The following RBPJ variants were observed in gnomAD, a reference collection of about 807,000 sequenced individuals.
RBPJ encodes recombining binding protein suppressor of hairless.
RBPJ carries 9 observed loss-of-function variants against 67.8 expected under a neutral mutation model. That is an observed-to-expected ratio of 0.13 (90% CI 0.08 to 0.23). RBPJ has a LOEUF of 0.23. Among genes scored for constraint, RBPJ ranks in the 10% least tolerant of loss-of-function variants. The probability of loss-of-function intolerance (pLI) is 1.00; values close to 1 mark genes in which losing one functional copy is unlikely to be tolerated. For missense variants in RBPJ, 305 were observed against 595.6 expected (o/e 0.51, Z 5.08); for synonymous variants, 198 against 203.3 (o/e 0.97, Z 0.22).
At chr4:26,161,940 G>C, upstream of RBPJ, among the ~76,000 whole-genome samples, 1 of 152,242 alleles carries the variant, frequency 6.6e-6, no homozygotes, top group Non-Finnish European at 1.5e-5. Context: ...CTGGTAAGGA[G>C]AATAGAATAC....
intron 1 of RBPJ, among the ~76,000 whole-genome samples, chr4:26,306,732 A>C (rs895807763): frequency 7.9e-5 from 12 of 152,014 alleles, no homozygotes; most frequent in Non-Finnish European, 1.6e-4. Flanking sequence ...TACAGGCATG[A>C]GTCACTGTGC....
At chr4:26,282,391 CAA>C (rs1485648251) in intron 1 of RBPJ, among the ~76,000 whole-genome samples, 1 of 151,932 alleles carries the variant, frequency 6.6e-6, no homozygotes, top group Non-Finnish European at 1.5e-5. Context: ...AATTAAAAAA[CAA>C]AATTATCTGA....
intron 1 of RBPJ, among the ~76,000 whole-genome samples, chr4:26,366,709 C>T (rs1256965772): frequency 2.6e-5 from 4 of 152,114 alleles, no homozygotes; most frequent in East Asian, 1.9e-4. Context: ...CATGAGCCAC[C>T]GCCCCCAGTC....
chr4:26,339,318 A>G (rs1004758102), intron 1 of RBPJ, among the ~76,000 whole-genome samples: 1 of 152,108 alleles, frequency 6.6e-6, no homozygotes, highest in East Asian at 1.9e-4. Context: ...GAGAATTGGA[A>G]TTCAAACCCG....
At chr4:26,417,974 ATGTTTTTAATT>A (rs1398620328) in intron 4 of RBPJ, among the ~76,000 whole-genome samples, 1 of 152,178 alleles carries the variant, frequency 6.6e-6, no homozygotes, top group East Asian at 1.9e-4. Context: ...ATTTTGTGTA[ATGTTTTTAATT>A]TGTTAAAAAA....
intron 1 of RBPJ, among the ~76,000 whole-genome samples, chr4:26,206,142 A>C (rs1047664331): frequency 6.6e-6 from 1 of 152,144 alleles, no homozygotes; most frequent in Non-Finnish European, 1.5e-5. Flanking sequence ...ACTGCCTCCC[A>C]CTTCTCCCCA....
rs769255199 is a variant in RBPJ at position 26,187,162 on chromosome 4, C to T, written c.-167+23548C>T. On this transcript the variant is annotated intron_variant, in intron 1 of 4. Transcript: ENST00000512351. Reference sequence around the variant, plus strand: ...GCTTGAGCCCGGGAAGTGGAGGCTGCGGTGAGCCATGACTGCGCTACTGCA... The same window carrying T: ...GCTTGAGCCCGGGAAGTGGAGGCTGTGGTGAGCCATGACTGCGCTACTGCA... 6.6e-4 allele frequency among the ~76,000 whole-genome samples: 100 copies of T among 152,122 alleles called. 1 individual carries two copies. The highest frequency in any genetic ancestry group is 5.9e-4 in the Admixed American group (9 of 15,272).
chr4:26,196,485 T>C (rs757248877), intron 1 of RBPJ, among the ~76,000 whole-genome samples: 15 of 152,132 alleles, frequency 9.9e-5, no homozygotes, highest in Non-Finnish European at 1.8e-4. Flanking sequence ...TTAGGGGTGA[T>C]TCTAAATTTA....
intron 1 of RBPJ, among the ~76,000 whole-genome samples, chr4:26,342,762 T>G (rs1034198882): frequency 6.6e-6 from 1 of 152,244 alleles, no homozygotes; most frequent in Admixed American, 6.5e-5. Context: ...CACATTCTGT[T>G]CACCACTAAT....
chr4:26,165,793 G>A (rs1244076122), intron 1 of RBPJ, among the ~76,000 whole-genome samples: 4 of 150,340 alleles, frequency 2.7e-5, no homozygotes, highest in Non-Finnish European at 5.9e-5. Flanking sequence ...GTATACATGT[G>A]CTATGCTGGT....
intron 1 of RBPJ, among the ~76,000 whole-genome samples, chr4:26,194,987 T>G (rs1717699858): frequency 6.6e-6 from 1 of 152,236 alleles, no homozygotes; most frequent in African/African-American, 2.4e-5. Context: ...CATAGCTGTC[T>G]TTTCAGGTTT....
rs1438294914 is a variant in RBPJ at position 26,191,220 on chromosome 4, G to T, written c.-167+27606G>T. 1.7e-3 allele frequency among the ~76,000 whole-genome samples: 179 copies of T among 102,936 alleles called. 2 individuals are homozygous for T. The highest frequency in any genetic ancestry group is 4.1e-3 in the African/African-American group (95 of 23,348). The allele number at this position is 102,936 out of a possible 152,430, so 67.5% of individuals were successfully genotyped here. On this transcript the variant is annotated intron_variant, in intron 1 of 4. Coordinates refer to the RBPJ transcript ENST00000512351. The stretch of plus-strand genomic sequence containing the variant: ...ATATATATATATATATAGAGAGAGA[G>T]AGAGAGAGAGAGAGAGAGAGATAGA...
At chr4:26,257,736 A>T (rs1052946652) in intron 1 of RBPJ, among the ~76,000 whole-genome samples, 2 of 152,254 alleles carry the variant, frequency 1.3e-5, no homozygotes, top group African/African-American at 4.8e-5. Flanking sequence ...AAATGTTAAA[A>T]GAAATAAGCA....
intron 1 of RBPJ, among the ~76,000 whole-genome samples, chr4:26,214,706 AAGGAAG>A (rs1379147296): frequency 2.8e-5 from 2 of 70,280 alleles, no homozygotes; most frequent in African/African-American, 1.6e-4. Flanking sequence ...GGATGGAAGG[AAGGAAG>A]GAGAGAGAGA....
chr4:26,369,901 AT>A (rs1485040999), intron 1 of RBPJ, among the ~76,000 whole-genome samples: 1 of 151,278 alleles, frequency 6.6e-6, no homozygotes, highest in African/African-American at 2.4e-5. Context: ...CCCATTCCTC[AT>A]TTACATGCAG....
At chr4:26,142,462 C>T in the RBPJ span, among the ~76,000 whole-genome samples, 5,031 of 152,192 alleles carry the variant, frequency 0.033, 249 homozygotes, top group South Asian at 0.17. Context: ...AGGAAGGTGG[C>T]GGCTTAACAG....
rs1374601219 is a variant in RBPJ, at chr4:26,231,746, AC to A, written c.-167+68134del. On this transcript the variant is annotated intron_variant, in intron 1 of 4. Coordinates refer to the RBPJ transcript ENST00000512351. ...GTATTTTTAGTAGAGATGGGGTTTC[AC>A]CGTGTTAGCCAGGATGGTCTCGAAC... 2.6e-5 allele frequency among the ~76,000 whole-genome samples: 4 copies of A among 151,678 alleles called. No homozygotes were observed. In the East Asian group the frequency reaches 7.8e-4, roughly 30 times the overall value.
At chr4:26,375,288 CAAAAAA>C (rs561305108) in intron 1 of RBPJ, among the ~76,000 whole-genome samples, 3 of 102,906 alleles carry the variant, frequency 2.9e-5, no homozygotes, top group East Asian at 2.8e-4. Context: ...GACCCTGTCT[CAAAAAA>C]AAAAAAAAAA....
chr4:26,167,380 C>A (rs1278923640), intron 1 of RBPJ, among the ~76,000 whole-genome samples: 25 of 150,432 alleles, frequency 1.7e-4, no homozygotes, highest in Non-Finnish European at 2.8e-4. Context: ...TTTGTATCCT[C>A]TTTTATTTCA....
Sources: gnomAD v4.1 joint callset for allele counts (sites outside exome capture counted in the v4.1 genomes callset) on GRCh38, gnomAD v4.1.1 for gene constraint, MANE v1.5 for transcripts, NCBI Gene and HGNC (gene_info 2026-07-23, HGNC 2026-07-21) for gene names.